Variants in TAFA1 observed in about 807,000 individuals in gnomAD.
TAFA1 encodes TAFA chemokine like family member 1.
In TAFA1, 4 loss-of-function variants were observed where a neutral mutation model predicts 18.5. The ratio of observed to expected loss-of-function variants is 0.22; its 90% CI spans 0.11 to 0.49. The LOEUF (loss-of-function observed/expected upper bound fraction) is 0.49. Among genes scored for constraint, TAFA1 ranks in the 20% least tolerant of loss-of-function variants. TAFA1 has a pLI of 0.98. For synonymous variants in TAFA1, 56 were observed against 55.2 expected (o/e 1.01, Z -0.06); for missense variants, 147 against 169.0 (o/e 0.87, Z 0.72).
intron 2 of TAFA1, among the ~76,000 whole-genome samples, chr3:68,218,090 A>G (rs1399347156): frequency 6.6e-6 from 1 of 152,108 alleles, no homozygotes; most frequent in Non-Finnish European, 1.5e-5. Context: ...TGGAGATTTA[A>G]TTGGCATCCC....
chr3:68,019,353 C>A (rs1253110930), intron 2 of TAFA1, among the ~76,000 whole-genome samples: 5 of 152,100 alleles, frequency 3.3e-5, no homozygotes, highest in South Asian at 2.1e-4. Context: ...CCAATAAATT[C>A]TTTTAGACTC....
At chr3:68,196,632 A>G (rs1218992970) in intron 2 of TAFA1, among the ~76,000 whole-genome samples, 1 of 151,532 alleles carries the variant, frequency 6.6e-6, no homozygotes, top group Non-Finnish European at 1.5e-5. Flanking sequence ...CTCCTGCTCT[A>G]TTTTTCTGTG....
intron 2 of TAFA1, among the ~76,000 whole-genome samples, chr3:68,076,383 T>C (rs1281822362): frequency 1.1e-4 from 17 of 151,866 alleles, no homozygotes; most frequent in Admixed American, 3.9e-4. Flanking sequence ...TGTATACATG[T>C]GCCATGCTGG....
chr3:68,119,423 T>C (rs1351971287), intron 2 of TAFA1, among the ~76,000 whole-genome samples: 1 of 152,192 alleles, frequency 6.6e-6, no homozygotes, highest in African/African-American at 2.4e-5. Flanking sequence ...TTTTGTTGCT[T>C]GTGCTCTTGG....
At chr3:68,105,483 A>G (rs1297555933) in intron 2 of TAFA1, among the ~76,000 whole-genome samples, 2 of 152,186 alleles carry the variant, frequency 1.3e-5, no homozygotes, top group East Asian at 3.9e-4. Context: ...TCTTAATCCT[A>G]TGACTGCTCT....
At chr3:68,425,310 G>A (rs1254495890) in intron 3 of TAFA1, among the ~76,000 whole-genome samples, 1 of 151,844 alleles carries the variant, frequency 6.6e-6, no homozygotes, top group Admixed American at 6.6e-5. Context: ...GGCTGGCTGT[G>A]GTTCCTTCAT....
chr3:68,108,319 A>G (rs2065225901), intron 2 of TAFA1, among the ~76,000 whole-genome samples: 2 of 152,278 alleles, frequency 1.3e-5, no homozygotes, highest in Admixed American at 1.3e-4. Context: ...TTTCTAATGC[A>G]TCAATGGTCC....
chr3:68,453,991 T>C (rs1452840032), intron 3 of TAFA1, among the ~76,000 whole-genome samples: 5 of 152,164 alleles, frequency 3.3e-5, no homozygotes, highest in Admixed American at 3.3e-4. Context: ...AATTAATTCT[T>C]TGCACATCCC....
intron 2 of TAFA1, among the ~76,000 whole-genome samples, chr3:68,009,385 G>A (rs1032333651): frequency 5.9e-5 from 9 of 152,090 alleles, no homozygotes; most frequent in African/African-American, 2.2e-4. Flanking sequence ...CACATATTAG[G>A]TTCTGGCTGA....
chr3:68,502,852 C>A (rs1176675310), intron 3 of TAFA1, among the ~76,000 whole-genome samples: 2 of 152,128 alleles, frequency 1.3e-5, no homozygotes, highest in Admixed American at 1.3e-4. Flanking sequence ...GTATTGAAGA[C>A]ATGTATTCAG....
chr3:68,086,937 C>T (rs2064977527), intron 2 of TAFA1, among the ~76,000 whole-genome samples: 1 of 152,118 alleles, frequency 6.6e-6, no homozygotes, highest in African/African-American at 2.4e-5. Flanking sequence ...CTTGCAACAT[C>T]GTTTTTTCAA....
At chr3:68,042,241 A>G (rs1436965098) in intron 2 of TAFA1, among the ~76,000 whole-genome samples, 1 of 102,624 alleles carries the variant, frequency 9.7e-6, no homozygotes, top group Non-Finnish European at 2.0e-5. Context: ...ACTAAACAAT[A>G]TAGAATTTCC....
intron 3 of TAFA1, among the ~76,000 whole-genome samples, chr3:68,428,788 A>G (rs1289132241): frequency 6.6e-6 from 1 of 151,998 alleles, no homozygotes; most frequent in South Asian, 2.1e-4. Context: ...CTAGACACTC[A>G]TTCAAAGGAA....
chr3:68,072,659 T>C (rs915049469), intron 2 of TAFA1, among the ~76,000 whole-genome samples: 4 of 152,142 alleles, frequency 2.6e-5, no homozygotes, highest in African/African-American at 4.8e-5. Context: ...GTTTCTGTTT[T>C]GGAATTAGGT....
intron 2 of TAFA1, among the ~76,000 whole-genome samples, chr3:68,148,037 T>C (rs999859716): frequency 5.3e-5 from 8 of 152,344 alleles, no homozygotes; most frequent in African/African-American, 1.9e-4. Flanking sequence ...CTTCTGCCAA[T>C]GTTCTTGTCT....
chr3:68,023,625 G>A (rs967369500), intron 2 of TAFA1, among the ~76,000 whole-genome samples: 3 of 152,004 alleles, frequency 2.0e-5, no homozygotes, highest in African/African-American at 7.2e-5. Context: ...AGATATCCAA[G>A]CTTAGATATC....
chr3:68,337,267 G>A (rs1552712), intron 2 of TAFA1, among the ~76,000 whole-genome samples: 92,133 of 151,944 alleles, frequency 0.61, 28,834 homozygotes, highest in East Asian at 1. Context: ...CAAGTCCTAT[G>A]TGGCTGGAGC....
intron 1 of TAFA1, among the ~76,000 whole-genome samples, chr3:68,004,912 A>G (rs575081453): frequency 6.6e-6 from 1 of 152,302 alleles, no homozygotes; most frequent in Admixed American, 6.5e-5. Context: ...AAATTAAAAA[A>G]ATATATATTG....
At chr3:68,173,179 G>GA (rs763941655) in intron 2 of TAFA1, among the ~76,000 whole-genome samples, 3 of 151,286 alleles carry the variant, frequency 2.0e-5, no homozygotes, top group Non-Finnish European at 4.4e-5. Context: ...TTCCTACTCT[G>GA]AAAAAAAATC....
Sources: allele counts gnomAD v4.1 joint callset (sites outside exome capture counted in the v4.1 genomes callset), GRCh38; gene constraint gnomAD v4.1.1; transcripts MANE v1.5; gene names NCBI Gene and HGNC (gene_info 2026-07-23, HGNC 2026-07-21).